AKAP6: variants seen among roughly 807,000 people sequenced by gnomAD.
The protein encoded by AKAP6 is A-kinase anchoring protein 6, also known as A-kinase anchor protein 6.
AKAP6 carries 58 observed loss-of-function variants against 188.5 expected under a neutral mutation model. The ratio of observed to expected loss-of-function variants is 0.31; its 90% CI spans 0.25 to 0.38. The LOEUF is 0.38. AKAP6 is among the 10% of genes least tolerant of loss of function. The pLI is 1.00. For synonymous variants in AKAP6, 989 were observed against 998.6 expected (o/e 0.99, Z 0.18); for missense variants, 2,710 against 2,740.0 (o/e 0.99, Z 0.24).
chr14:32,600,655 G>C lies in AKAP6; in HGVS notation c.2593G>C (p.Ala865Pro), dbSNP rs775637891. ...AGLKDMLRMI[A>P]SQWKELQRQI... ...ACTGAAGGACATGCTGCGGATGATT[G>C]CAAGTCAATGGAAGGAGCTGCAGAG... The change falls in exon 7 of 14, where the codon GCA (alanine) becomes CCA (proline). Residue 865 changes from alanine (A) to proline (P), a missense_variant. Transcript: ENST00000280979. 19 of 1,612,968 alleles carry C rather than the reference G, an allele frequency of 1.2e-5. No individual in the cohort carries two copies. Among genetic ancestry groups the C allele is most frequent in the Non-Finnish European group, 1.4e-5 (16 of 1,179,552 alleles).
chr14:32,553,463 C>T (rs1029303463), intron 4 of AKAP6, among the ~76,000 whole-genome samples: 8 of 152,188 alleles, frequency 5.3e-5, no homozygotes, highest in African/African-American at 1.7e-4. Flanking sequence ...TGAGCCACCG[C>T]GCCTGGCCAA....
intron 2 of AKAP6, among the ~76,000 whole-genome samples, chr14:32,434,777 C>T (rs1890328344): frequency 6.6e-6 from 1 of 152,156 alleles, no homozygotes; most frequent in South Asian, 2.1e-4. Flanking sequence ...TAAAATGAAG[C>T]ATAGAGCCTA....
intron 9 of AKAP6, among the ~76,000 whole-genome samples, chr14:32,729,762 C>T (rs1174141097): frequency 2.0e-5 from 3 of 152,064 alleles, no homozygotes; most frequent in Non-Finnish European, 2.9e-5. Flanking sequence ...ATACTGGATG[C>T]TTATTTACCT....
rs2034836318 is a variant in AKAP6, at chr14:32,832,897, G to A, written c.*3092G>A. ...ATGGTTTTCAGATCCATTCCAACCTGACTGAATGTTAACAGACAGAATTCT... is the reference window on the plus strand; with the variant it reads ...ATGGTTTTCAGATCCATTCCAACCTAACTGAATGTTAACAGACAGAATTCT... On this transcript the variant is annotated 3_prime_UTR_variant, in exon 14 of 14. Transcript: ENST00000280979. The A allele has an allele frequency of 6.6e-6, 1 of 152,558 alleles. No homozygotes were observed. Among genetic ancestry groups the A allele is most frequent in the Non-Finnish European group, 1.5e-5 (1 of 68,040 alleles). The allele number at this position is 152,558 out of a possible 1,614,324, so 9.5% of individuals were successfully genotyped here.
At chr14:32,464,949 A>G (rs2138837645) in intron 2 of AKAP6, among the ~76,000 whole-genome samples, 1 of 152,292 alleles carries the variant, frequency 6.6e-6, no homozygotes, top group African/African-American at 2.4e-5. Context: ...TACATCAACA[A>G]TAGACAAACA....
At chr14:32,521,378 G>GA (rs762434690) in intron 2 of AKAP6, among the ~76,000 whole-genome samples, 59 of 152,180 alleles carry the variant, frequency 3.9e-4, no homozygotes, top group Non-Finnish European at 7.5e-4. Context: ...ATTCAATTAG[G>GA]AAAAGAGGAA....
intron 5 of AKAP6, among the ~76,000 whole-genome samples, chr14:32,579,792 A>G (rs1884885860): frequency 6.6e-6 from 1 of 152,158 alleles, no homozygotes; most frequent in Admixed American, 6.5e-5. Context: ...CTTCCCATAA[A>G]AGAAAATGTA....
chr14:32,433,915 G>T (rs961172856), intron 2 of AKAP6, 98 bp downstream of exon 2: 8 of 1,191,358 alleles, frequency 6.7e-6, no homozygotes, highest in Non-Finnish European at 8.2e-6. Flanking sequence ...AATTGTCCAG[G>T]AAGAAAAGCA....
intron 11 of AKAP6, among the ~76,000 whole-genome samples, chr14:32,739,378 C>G (rs2031576443): frequency 6.6e-6 from 1 of 151,956 alleles, no homozygotes; most frequent in African/African-American, 2.4e-5. Flanking sequence ...TACAAACAAT[C>G]CAATTATACT....
intron 7 of AKAP6, among the ~76,000 whole-genome samples, chr14:32,603,609 A>C (rs1052597957): frequency 5.9e-5 from 9 of 152,206 alleles, no homozygotes; most frequent in Non-Finnish European, 1.3e-4. Context: ...CCTCTATAAT[A>C]GGCACCAAGA....
chr14:32,746,292 G>A (rs534375321), intron 11 of AKAP6, among the ~76,000 whole-genome samples: 15 of 152,126 alleles, frequency 9.9e-5, no homozygotes, highest in Non-Finnish European at 2.1e-4. Context: ...ACCTGAAGCC[G>A]CAAGTCTCAG....
At chr14:32,754,225 A>T (rs2032249114) in intron 11 of AKAP6, among the ~76,000 whole-genome samples, 1 of 151,996 alleles carries the variant, frequency 6.6e-6, no homozygotes, top group Non-Finnish European at 1.5e-5. Context: ...TATCCTTTAG[A>T]TGAATTTACG....
At chr14:32,662,839 G>A (rs1888760407) in intron 7 of AKAP6, among the ~76,000 whole-genome samples, 1 of 152,066 alleles carries the variant, frequency 6.6e-6, no homozygotes, top group Non-Finnish European at 1.5e-5. Context: ...TTCTTTAGGG[G>A]TGGTAAAATG....
At chr14:32,744,762 G>A (rs181770113) in intron 11 of AKAP6, among the ~76,000 whole-genome samples, 197 of 152,076 alleles carry the variant, frequency 1.3e-3, no homozygotes, top group African/African-American at 4.5e-3. Flanking sequence ...CCCTTTTGAG[G>A]CAATTTTCTG....
At chr14:32,577,338 G>C in intron 5 of AKAP6, 96 bp downstream of exon 5, 2 of 1,516,514 alleles carry the variant, frequency 1.3e-6, no homozygotes, top group Non-Finnish European at 1.8e-6. Context: ...TTTATCAAAG[G>C]TTACTATATG....
rs144791452 is a variant in AKAP6 at position 32,669,628 on chromosome 14, T to G, written c.2731-8683T>G. Among the ~76,000 whole-genome samples the G allele has an allele frequency of 1.9e-3, 296 of 152,326 alleles. 2 individuals are homozygous for G. The highest frequency in any genetic ancestry group is 3.1e-3 in the Non-Finnish European group (209 of 68,034). ...AGATATTTCCAAGTGTATTCATCCA[T>G]TCTCACGCTGCTAATAGACATACCC... On this transcript the variant is annotated intron_variant, in intron 7 of 13. Transcript: ENST00000280979.
rs759788477 is a variant in AKAP6, at chr14:32,696,087, G to GAGA, written c.2979_2980insAAG (p.Glu993_Gln994insLys). 8.1e-6 allele frequency: 13 copies of GAGA among 1,610,490 alleles called. No individual in the cohort carries two copies. The highest frequency in any genetic ancestry group is 8.5e-6 in the Non-Finnish European group (10 of 1,179,038). ...CAGCCACGACCTGATGATGTCAGAG[G>GAGA]AGCAGCAGCAGCATCTTTACAAGGT... is the stretch of plus-strand genomic sequence containing the variant. On this transcript the variant is annotated inframe_insertion, in exon 9 of 14. Coordinates refer to ENST00000280979, the MANE Select transcript of AKAP6 (RefSeq NM_004274.5).
At chr14:32,406,459 T>G (rs535333446) in intron 1 of AKAP6, among the ~76,000 whole-genome samples, 189 of 152,222 alleles carry the variant, frequency 1.2e-3, no homozygotes, top group Non-Finnish European at 8.2e-4. Context: ...CTGCCCACCT[T>G]GGCCTCTCAA....
intron 8 of AKAP6, among the ~76,000 whole-genome samples, chr14:32,682,995 C>CTTTTTTTTTTTTTTTTTTTTTTTTTTTT (rs71115090): frequency 7.0e-6 from 1 of 142,258 alleles, no homozygotes; most frequent in African/African-American, 2.6e-5. Context: ...TTTTTTCTTC[C>CTTTTTTTTTTTTTTTTTTTTTTTTTTTT]TTTTTTTTTT....
Sources: allele counts gnomAD v4.1 joint callset (sites outside exome capture counted in the v4.1 genomes callset), GRCh38; gene constraint gnomAD v4.1.1; transcripts MANE v1.5; gene names NCBI Gene and HGNC (gene_info 2026-07-23, HGNC 2026-07-21).